The following BARD1 variants were observed in gnomAD, a reference collection of about 807,000 sequenced individuals.
BARD1 encodes the protein BRCA1 associated RING domain 1.
Under a neutral mutation model 77.0 loss-of-function variants are expected in BARD1, and 73 were observed. The ratio of observed to expected loss-of-function variants is 0.95; its 90% CI spans 0.79 to 1.15. The LOEUF is 1.15. Ranked by LOEUF, BARD1 falls within the 50% of genes most tolerant of loss-of-function variation. The pLI, the probability that BARD1 is intolerant of heterozygous loss-of-function variation, is 0.00. For missense variants in BARD1, 993 were observed against 938.8 expected, an observed-to-expected ratio of 1.06 and a Z score of -0.75; for synonymous variants, 384 against 338.0, an observed-to-expected ratio of 1.14 and a Z score of -1.49.
chr2:214,803,971 G>A (rs1477195912), intron 1 of BARD1, among the ~76,000 whole-genome samples: 1 of 152,158 alleles, frequency 6.6e-6, no homozygotes, highest in Non-Finnish European at 1.5e-5. Context: ...AAATCCATCT[G>A]AGATGATAAT....
chr2:214,738,661 AAG>A (rs1491028451), intron 9 of BARD1, among the ~76,000 whole-genome samples: 4 of 152,294 alleles, frequency 2.6e-5, no homozygotes, highest in African/African-American at 9.6e-5. Flanking sequence ...AAATTAAAAA[AAG>A]GAGGGGTGTT....
At chr2:214,779,499 T>A (rs73989344) in intron 4 of BARD1, among the ~76,000 whole-genome samples, 3,495 of 152,326 alleles carry the variant, frequency 0.023, 135 homozygotes, top group African/African-American at 0.079. Flanking sequence ...CAGAGCTGAC[T>A]GTATTCCTCA....
chr2:214,730,325 G>A (rs1692292605), intron 10 of BARD1, 86 bp downstream of exon 10: 3 of 1,195,022 alleles, frequency 2.5e-6, no homozygotes, highest in South Asian at 1.2e-5. Context: ...ACCTGTAGCT[G>A]TTGAAAGGGC....
intron 6 of BARD1, among the ~76,000 whole-genome samples, chr2:214,759,097 T>G (rs984474107): frequency 2.0e-5 from 3 of 152,190 alleles, no homozygotes; most frequent in African/African-American, 7.2e-5. Context: ...TAATTCAAAC[T>G]AGCAACATGG....
chr2:214,780,324 A>G (rs1337267633), intron 4 of BARD1, among the ~76,000 whole-genome samples: 3 of 152,186 alleles, frequency 2.0e-5, no homozygotes, highest in Non-Finnish European at 2.9e-5. Context: ...ATAAAAGCCG[A>G]AATATTCAAA....
intron 3 of BARD1, among the ~76,000 whole-genome samples, chr2:214,788,994 A>G (rs1294678283): frequency 7.2e-5 from 11 of 152,134 alleles, no homozygotes; most frequent in Admixed American, 7.2e-4. Flanking sequence ...ATTTGGGATG[A>G]AAAGTTGGGG....
At chr2:214,802,781 C>T (rs948875894) in intron 1 of BARD1, among the ~76,000 whole-genome samples, 3 of 152,252 alleles carry the variant, frequency 2.0e-5, no homozygotes, top group African/African-American at 7.2e-5. Flanking sequence ...TAAGAGAAGA[C>T]ATTTGCATGG....
At chr2:214,790,089 T>C (rs972853211) in intron 3 of BARD1, among the ~76,000 whole-genome samples, 5 of 152,054 alleles carry the variant, frequency 3.3e-5, no homozygotes, top group Non-Finnish European at 7.4e-5. Flanking sequence ...GTCCTCAAAA[T>C]ATAAATGATT....
At chr2:214,768,908 T>C (rs1694342063) in intron 5 of BARD1, among the ~76,000 whole-genome samples, 1 of 152,202 alleles carries the variant, frequency 6.6e-6, no homozygotes, top group African/African-American at 2.4e-5. Flanking sequence ...TCCAAGAAAT[T>C]TGGTTCCAGT....
intron 9 of BARD1, among the ~76,000 whole-genome samples, chr2:214,735,937 T>C (rs753679946): frequency 1.3e-5 from 2 of 152,082 alleles, no homozygotes; most frequent in South Asian, 4.1e-4. Context: ...ATCATGTCAA[T>C]CTTAATTTGT....
intron 5 of BARD1, among the ~76,000 whole-genome samples, chr2:214,767,915 A>C (rs1694292874): frequency 6.6e-6 from 1 of 152,160 alleles, no homozygotes; most frequent in African/African-American, 2.4e-5. Flanking sequence ...GTTTTTTAGA[A>C]GAAAATGTAG....
In BARD1 at chr2:214,781,497, T is replaced by C. The variant is rs1574821822; in HGVS notation, c.377A>G (p.Asp126Gly). The change falls in exon 4 of 11, where the codon GAT (aspartate) becomes GGT (glycine). Residue 126 changes from aspartate (D) to glycine (G), a missense_variant. Transcript: ENST00000260947. ...ATTAAACAAACTTTTCCTAGGTTTATCTTCTTTCAAATCTGACAGAAAAAA... is the reference window on the plus strand; with the variant it reads ...ATTAAACAAACTTTTCCTAGGTTTACCTTCTTTCAAATCTGACAGAAAAAA... ...HDNELSDLKE[D>G]KPRKSLFNDA... 1 of 1,610,710 alleles carries C rather than the reference T, an allele frequency of 6.2e-7. No individual in the cohort carries two copies. Among genetic ancestry groups the C allele is most frequent in the Non-Finnish European group, 8.5e-7 (1 of 1,178,524 alleles).
In BARD1 at chr2:214,728,281, T is replaced by TAAA. The variant is rs754881729; in HGVS notation, c.*392_*394dup. 1.3e-3 allele frequency: 200 copies of TAAA among 149,330 alleles called. No individual in the cohort carries two copies. The highest frequency in any genetic ancestry group is 2.1e-3 in the South Asian group (8 of 3,832). The allele number at this position is 149,330 out of a possible 1,614,324, so 9.3% of individuals were successfully genotyped here. Reference sequence around the variant, plus strand: ...AATTGTTTGATAATATTCTGTTTACTAAAAAAAAAAAAAAAAAAAAGGCAA... The same window carrying TAAA: ...AATTGTTTGATAATATTCTGTTTACTAAAAAAAAAAAAAAAAAAAAAAAGGCAA... On this transcript the variant is annotated 3_prime_UTR_variant, in exon 11 of 11. Transcript: ENST00000260947.
chr2:214,758,274 G>A (rs1172166710), intron 6 of BARD1, among the ~76,000 whole-genome samples: 1 of 152,094 alleles, frequency 6.6e-6, no homozygotes, highest in Non-Finnish European at 1.5e-5. Context: ...TTATAAGATG[G>A]AAATAATAAC....
chr2:214,751,599 G>A (rs1304989369), intron 7 of BARD1, among the ~76,000 whole-genome samples: 1 of 152,020 alleles, frequency 6.6e-6, no homozygotes, highest in Non-Finnish European at 1.5e-5. Flanking sequence ...GCTAAGCTAT[G>A]GGTTCCTAAG....
At chr2:214,776,340 T>C (rs1384853771) in intron 4 of BARD1, among the ~76,000 whole-genome samples, 1 of 152,204 alleles carries the variant, frequency 6.6e-6, no homozygotes, top group Non-Finnish European at 1.5e-5. Flanking sequence ...TGTTTTCTAT[T>C]GGGTTGGTGC....
intron 9 of BARD1, among the ~76,000 whole-genome samples, chr2:214,735,407 A>G (rs867817108): frequency 6.6e-6 from 1 of 152,160 alleles, no homozygotes; most frequent in Admixed American, 6.5e-5. Context: ...TTTGTCAACT[A>G]AAGTTCTTCA....
intron 4 of BARD1, among the ~76,000 whole-genome samples, chr2:214,770,422 A>G (rs759991293): frequency 1.3e-5 from 2 of 152,238 alleles, no homozygotes; most frequent in African/African-American, 4.8e-5. Context: ...GATGCAATGG[A>G]GAAGGCAGAT....
chr2:214,767,632 T>G lies in BARD1; in HGVS notation c.1418A>C (p.His473Pro), dbSNP rs1176328026. The G allele has an allele frequency of 3.1e-6, 5 of 1,613,910 alleles. No homozygotes were observed. In the South Asian group the frequency reaches 4.4e-5, roughly 14 times the overall value. ...GAGCAATAATTCCACTACCTTCAGGTGCCCATGATTGCAAGCTTCATGCTA... is the reference window on the plus strand; with the variant it reads ...GAGCAATAATTCCACTACCTTCAGGGGCCCATGATTGCAAGCTTCATGCTA... ...TPLHEACNHG[H>P]LKVVELLLQH... The change falls in exon 6 of 11, where the codon CAC becomes CCC. Residue 473 changes from histidine (H) to proline (P), a missense_variant. By Grantham distance (77) the His-to-Pro change is moderately conservative. Transcript: ENST00000260947.
Sources: allele counts gnomAD v4.1 joint callset (sites outside exome capture counted in the v4.1 genomes callset), GRCh38; gene constraint gnomAD v4.1.1; transcripts MANE v1.5; gene names NCBI Gene and HGNC (gene_info 2026-07-23, HGNC 2026-07-21).